LOC128125817: variants seen among roughly 807,000 people sequenced by gnomAD.
the LOC128125817 span, among the ~76,000 whole-genome samples, chr1:41,585,536 G>T: frequency 6.6e-6 from 1 of 152,122 alleles, no homozygotes; most frequent in Non-Finnish European, 1.5e-5. Context: ...TGTCAGTGTT[G>T]GGTGACCTGA....
the LOC128125817 span, among the ~76,000 whole-genome samples, chr1:41,604,317 A>G: frequency 6.6e-6 from 1 of 152,354 alleles, no homozygotes; most frequent in East Asian, 1.9e-4. Context: ...ATTGTGGTAT[A>G]TTCATATAAC....
chr1:41,618,107 G>A, the LOC128125817 span, among the ~76,000 whole-genome samples: 1 of 152,222 alleles, frequency 6.6e-6, no homozygotes. Flanking sequence ...TACCCAGGCT[G>A]AGCTGCCCTG....
the LOC128125817 span, among the ~76,000 whole-genome samples, chr1:41,600,355 A>T: frequency 6.6e-6 from 1 of 152,222 alleles, no homozygotes; most frequent in African/African-American, 2.4e-5. Flanking sequence ...AAATTCATTC[A>T]TGTTGTAGCA....
chr1:41,599,468 T>A, the LOC128125817 span, among the ~76,000 whole-genome samples: 6 of 151,910 alleles, frequency 3.9e-5, no homozygotes, highest in African/African-American at 1.5e-4. Context: ...AATAATAGAG[T>A]AGAAAGACAA....
chr1:41,596,841 C>G, the LOC128125817 span, among the ~76,000 whole-genome samples: 1 of 152,106 alleles, frequency 6.6e-6, no homozygotes, highest in Non-Finnish European at 1.5e-5. Flanking sequence ...ACCTTCCTTC[C>G]CTGTATCTGA....
the LOC128125817 span, among the ~76,000 whole-genome samples, chr1:41,603,606 C>G: frequency 6.6e-6 from 1 of 152,178 alleles, no homozygotes; most frequent in Non-Finnish European, 1.5e-5. Flanking sequence ...GTGATCCATC[C>G]ACCTTGGCCT....
At chr1:41,610,535 A>G in the LOC128125817 span, among the ~76,000 whole-genome samples, 2 of 152,194 alleles carry the variant, frequency 1.3e-5, no homozygotes, top group Non-Finnish European at 2.9e-5. Flanking sequence ...GGCATCTGGT[A>G]AGACAGGCCA....
chr1:41,626,183 G>A, the LOC128125817 span, among the ~76,000 whole-genome samples: 2 of 151,478 alleles, frequency 1.3e-5, no homozygotes, highest in Non-Finnish European at 3.0e-5. Flanking sequence ...GGGCCACCCC[G>A]CCCTCCCCAG....
At chr1:41,592,976 C>T in the LOC128125817 span, among the ~76,000 whole-genome samples, 1 of 152,202 alleles carries the variant, frequency 6.6e-6, no homozygotes, top group African/African-American at 2.4e-5. Flanking sequence ...TCACCACCTC[C>T]ACCCCTGTCC....
At chr1:41,620,162 C>T in the LOC128125817 span, among the ~76,000 whole-genome samples, 6 of 152,146 alleles carry the variant, frequency 3.9e-5, no homozygotes, top group Admixed American at 1.3e-4. Flanking sequence ...AAACAGAGCC[C>T]GAACAGAGGC....
the LOC128125817 span, among the ~76,000 whole-genome samples, chr1:41,602,244 A>G: frequency 1.3e-5 from 2 of 152,164 alleles, no homozygotes; most frequent in Non-Finnish European, 2.9e-5. Flanking sequence ...GTATCAGAGT[A>G]ATGCTAGCCT....
the LOC128125817 span, among the ~76,000 whole-genome samples, chr1:41,593,660 C>G: frequency 8.5e-5 from 13 of 152,232 alleles, no homozygotes; most frequent in Non-Finnish European, 1.5e-4. Context: ...AACCTCCTGC[C>G]TATCTGGAAT....
At chr1:41,591,387 C>G in the LOC128125817 span, among the ~76,000 whole-genome samples, 1 of 152,134 alleles carries the variant, frequency 6.6e-6, no homozygotes, top group Non-Finnish European at 1.5e-5. Flanking sequence ...TGGGCAGAGC[C>G]TTGGCCTGCA....
the LOC128125817 span, among the ~76,000 whole-genome samples, chr1:41,601,764 G>A: frequency 1.3e-5 from 2 of 152,132 alleles, no homozygotes; most frequent in East Asian, 3.9e-4. Context: ...AGGACTTCCA[G>A]TACTGTCTTG....
At chr1:41,622,377 G>T in the LOC128125817 span, among the ~76,000 whole-genome samples, 1 of 152,190 alleles carries the variant, frequency 6.6e-6, no homozygotes, top group African/African-American at 2.4e-5. Flanking sequence ...GACATGTTCT[G>T]CACAAGAGCA....
At chr1:41,616,376 C>G in the LOC128125817 span, among the ~76,000 whole-genome samples, 1 of 152,160 alleles carries the variant, frequency 6.6e-6, no homozygotes. Flanking sequence ...TTTTTGCAAA[C>G]AGCAGACTAT....
At chr1:41,611,742 G>A in the LOC128125817 span, among the ~76,000 whole-genome samples, 1 of 152,194 alleles carries the variant, frequency 6.6e-6, no homozygotes, top group Admixed American at 6.5e-5. Flanking sequence ...CCACTGTCCT[G>A]GGCAACCAGG....
At chr1:41,597,973 T>C in the LOC128125817 span, among the ~76,000 whole-genome samples, 1 of 152,176 alleles carries the variant, frequency 6.6e-6, no homozygotes, top group Non-Finnish European at 1.5e-5. Flanking sequence ...CCTACCTATC[T>C]CATTGTTTAT....
chr1:41,597,960 C>A, the LOC128125817 span, among the ~76,000 whole-genome samples: 1 of 152,194 alleles, frequency 6.6e-6, no homozygotes, highest in Non-Finnish European at 1.5e-5. Context: ...AGCTAGCTAT[C>A]CACCTACCTA....
Sources: gnomAD v4.1 joint callset for allele counts (sites outside exome capture counted in the v4.1 genomes callset) on GRCh38, gnomAD v4.1.1 for gene constraint, MANE v1.5 for transcripts.